Variants in MSN observed in about 807,000 individuals in gnomAD.
MSN encodes moesin.
Under a neutral mutation model 48.0 loss-of-function variants are expected in MSN, and 2 were observed. That is an observed-to-expected ratio of 0.04 (90% CI 0.02 to 0.13). The LOEUF (loss-of-function observed/expected upper bound fraction) is 0.13, where lower values mean the gene tolerates loss of function less well. MSN is among the 10% of genes least tolerant of loss of function. The probability of loss-of-function intolerance (pLI) is 1.00; values close to 1 mark genes in which losing one functional copy is unlikely to be tolerated. For synonymous variants in MSN, 146 were observed against 166.9 expected (o/e 0.87, Z 0.97); for missense variants, 267 against 470.1 (o/e 0.57, Z 3.99).
intron 1 of MSN, among the ~76,000 whole-genome samples, chrX:65,610,143 A>G (rs1236721906): frequency 1.8e-5 from 2 of 111,863 alleles, no homozygotes; most frequent in Non-Finnish European, 3.8e-5. Context: ...TCAAGTGTTC[A>G]ATTCAGTGGC....
chrX:65,637,279 G>C (rs1293717789), intron 1 of MSN, among the ~76,000 whole-genome samples: 2 of 105,864 alleles, frequency 1.9e-5, no homozygotes, highest in Admixed American at 1.0e-4. Context: ...GCACATGCCT[G>C]TAATCCCAGC....
At chrX:65,660,790 C>T (rs1444993519) in intron 1 of MSN, among the ~76,000 whole-genome samples, 3 of 110,994 alleles carry the variant, frequency 2.7e-5, no homozygotes, top group Non-Finnish European at 5.7e-5. Flanking sequence ...TGGTCTTGAA[C>T]TCCTGACCTC....
At chrX:65,729,874 C>T (rs754065974) in intron 4 of MSN, among the ~76,000 whole-genome samples, 162 bp downstream of exon 4, 1 of 112,546 alleles carries the variant, frequency 8.9e-6, no homozygotes, top group African/African-American at 3.2e-5. Context: ...TAGTGTCAGA[C>T]TCTGTTGTTG....
At chrX:65,659,696 G>T (rs1323102091) in intron 1 of MSN, among the ~76,000 whole-genome samples, 4 of 111,297 alleles carry the variant, frequency 3.6e-5, no homozygotes, top group African/African-American at 1.3e-4. Flanking sequence ...TGCTCATATT[G>T]GCCCTCATTA....
upstream of MSN, among the ~76,000 whole-genome samples, chrX:65,667,475 C>T (rs1258504451): frequency 1.8e-5 from 2 of 110,244 alleles, no homozygotes; most frequent in East Asian, 2.9e-4. Context: ...GTGGTAGCTA[C>T]CCTAGGTCCG....
In MSN at chrX:65,704,575, G is replaced by A. The variant is rs887058373; in HGVS notation, c.13-12243G>A. Among the ~76,000 whole-genome samples, 3 of 111,204 alleles carry A rather than the reference G, an allele frequency of 2.7e-5. No homozygotes were observed. The East Asian group carries it at 8.4e-4, about 31-fold the overall frequency. The stretch of plus-strand genomic sequence containing the variant: ...GTGGTGATTGTCTCAGATCCTGAAA[G>A]TTAGGCCTGCCCTCTGTTGAAAGCT... On this transcript the variant is annotated intron_variant, in intron 1 of 12. Coordinates refer to ENST00000360270, the MANE Select transcript of MSN (RefSeq NM_002444.3).
At chrX:65,647,273 G>A (rs752539744) in intron 1 of MSN, among the ~76,000 whole-genome samples, 312 of 104,388 alleles carry the variant, frequency 3.0e-3, no homozygotes, top group Non-Finnish European at 4.3e-3. Flanking sequence ...GTGCAATGGC[G>A]TGATCTCGGC....
intron 10 of MSN, 88 bp from the exon 11 acceptor site, chrX:65,738,437 A>T: frequency 2.6e-6 from 2 of 755,249 alleles, no homozygotes; most frequent in Non-Finnish European, 3.9e-6. Context: ...TAGGTCCCTT[A>T]CTAGTCCCCC....
At chrX:65,612,205 C>A (rs2070325828) in intron 1 of MSN, among the ~76,000 whole-genome samples, 3 of 92,643 alleles carry the variant, frequency 3.2e-5, no homozygotes, top group Admixed American at 2.0e-4. Flanking sequence ...TGGGAAAAGG[C>A]TCATTATAAA....
intron 1 of MSN, among the ~76,000 whole-genome samples, chrX:65,655,033 G>C: frequency 9.0e-6 from 1 of 110,847 alleles, no homozygotes; most frequent in Non-Finnish European, 1.9e-5. Flanking sequence ...GCCCTGTAAG[G>C]GTAGAAACTT....
rs183068800 is a variant in MSN at position 65,628,163 on chromosome X, C to T, written c.-22+39551C>T. Among the ~76,000 whole-genome samples, 38 of 112,490 alleles carry T rather than the reference C, an allele frequency of 3.4e-4. No homozygotes were observed. The East Asian group carries it at 7.0e-3, about 21-fold the overall frequency. On this transcript the variant is annotated intron_variant, in intron 1 of 3. Coordinates refer to the MSN transcript ENST00000609672. ...AGCTACCATTCTGGGGCCTGGAGGA[C>T]GGTGGCCCACTTTTCACAGTGCCCC...
intron 1 of MSN, among the ~76,000 whole-genome samples, chrX:65,614,510 G>C (rs1019598282): frequency 9.2e-6 from 1 of 108,407 alleles, no homozygotes; most frequent in African/African-American, 3.3e-5. Flanking sequence ...CATGAGCATG[G>C]AATGTTTTTC....
intron 1 of MSN, among the ~76,000 whole-genome samples, chrX:65,714,488 T>A (rs1227642977): frequency 9.0e-6 from 1 of 111,648 alleles, no homozygotes; most frequent in East Asian, 2.8e-4. Flanking sequence ...TGTTATTATT[T>A]TTTTTTGATT....
intron 11 of MSN, 118 bp downstream of exon 11, chrX:65,738,735 C>T: frequency 8.4e-6 from 6 of 710,118 alleles, no homozygotes; most frequent in African/African-American, 2.1e-5. Flanking sequence ...CCACAGCAGG[C>T]AGCATGGGAG....
At chrX:65,706,834 A>C (rs2071366667) in intron 1 of MSN, among the ~76,000 whole-genome samples, 1 of 111,701 alleles carries the variant, frequency 9.0e-6, no homozygotes, top group African/African-American at 3.3e-5. Context: ...ACCTGCCTCT[A>C]TGCACTTCAG....
At chrX:65,634,105 C>T (rs1291264901) in intron 1 of MSN, among the ~76,000 whole-genome samples, 3 of 111,723 alleles carry the variant, frequency 2.7e-5, no homozygotes, top group Non-Finnish European at 5.6e-5. Flanking sequence ...TACTGCTGTC[C>T]AGGGACCCAA....
chrX:65,593,975 G>A (rs1602703029), intron 1 of MSN, among the ~76,000 whole-genome samples: 1 of 112,512 alleles, frequency 8.9e-6, no homozygotes, highest in East Asian at 2.8e-4. Flanking sequence ...ACCAGGTTGA[G>A]GAAGGGAAGG....
chrX:65,686,997 C>G (rs1434191922), intron 1 of MSN, among the ~76,000 whole-genome samples: 1 of 111,967 alleles, frequency 8.9e-6, no homozygotes, highest in East Asian at 2.8e-4. Context: ...CATTTATAGA[C>G]CATTTAGGAC....
At chrX:65,687,046 A>T (rs998321593) in intron 1 of MSN, among the ~76,000 whole-genome samples, 8 of 111,862 alleles carry the variant, frequency 7.2e-5, no homozygotes, top group Non-Finnish European at 1.5e-4. Flanking sequence ...TCAACCATCC[A>T]TAATAAAACT....
Sources: gnomAD v4.1 joint callset for allele counts (sites outside exome capture counted in the v4.1 genomes callset) on GRCh38, gnomAD v4.1.1 for gene constraint, MANE v1.5 for transcripts, NCBI Gene and HGNC (gene_info 2026-07-23, HGNC 2026-07-21) for gene names.